Variants in LMO2 observed in about 807,000 individuals in gnomAD.
The protein encoded by LMO2 is rhombotin-2.
In LMO2, 20 loss-of-function variants were observed where a neutral mutation model predicts 23.2. The ratio of observed to expected loss-of-function variants is 0.86; its 90% CI spans 0.61 to 1.25. The LOEUF (loss-of-function observed/expected upper bound fraction) is 1.25, where lower values mean the gene tolerates loss of function less well. Among genes scored for constraint, LMO2 ranks in the 50% most tolerant of loss-of-function variants. The pLI is 0.00. For synonymous variants in LMO2, 123 were observed against 130.2 expected, an observed-to-expected ratio of 0.94 and a Z score of 0.38; for missense variants, 270 against 315.3, an observed-to-expected ratio of 0.86 and a Z score of 1.09.
chr11:33,890,790 C>A (rs1458901245), intron 1 of LMO2, among the ~76,000 whole-genome samples: 1 of 152,162 alleles, frequency 6.6e-6, no homozygotes, highest in Non-Finnish European at 1.5e-5. Context: ...TGATTTATTT[C>A]TATTATTTCT....
At chr11:33,865,735 C>T (rs1417153707) in intron 4 of LMO2, among the ~76,000 whole-genome samples, 4 of 152,220 alleles carry the variant, frequency 2.6e-5, no homozygotes, top group Non-Finnish European at 4.4e-5. Flanking sequence ...CGTGTTCTTT[C>T]GTTAATACGC....
At chr11:33,890,058 C>T (rs1163988694) in intron 1 of LMO2, among the ~76,000 whole-genome samples, 1 of 152,176 alleles carries the variant, frequency 6.6e-6, no homozygotes, top group East Asian at 1.9e-4. Context: ...AGACAAATAT[C>T]ACACTGTTCA....
At chr11:33,879,648 C>A (rs1857217028) in intron 2 of LMO2, among the ~76,000 whole-genome samples, 1 of 152,092 alleles carries the variant, frequency 6.6e-6, no homozygotes, top group South Asian at 2.1e-4. Context: ...CAGAGCAAGA[C>A]AAGCTCTGTC....
intron 1 of LMO2, among the ~76,000 whole-genome samples, chr11:33,888,338 C>A (rs1162127644): frequency 6.6e-6 from 1 of 152,184 alleles, no homozygotes; most frequent in Non-Finnish European, 1.5e-5. Flanking sequence ...TAACCTGCAT[C>A]AGATCATTTC....
At chr11:33,881,759 C>A in intron 2 of LMO2, 65 bp downstream of exon 2, 1 of 226,704 alleles carries the variant, frequency 4.4e-6, no homozygotes, top group South Asian at 5.5e-5. Context: ...TTCTGGCATG[C>A]AGGAAGCATA....
chr11:33,874,355 C>A (rs576247816), intron 2 of LMO2, among the ~76,000 whole-genome samples: 2 of 152,194 alleles, frequency 1.3e-5, no homozygotes. Flanking sequence ...TTGCTAGCTG[C>A]GTGATCTGGG....
intron 2 of LMO2, among the ~76,000 whole-genome samples, chr11:33,872,100 G>A (rs1396750794): frequency 1.3e-5 from 2 of 152,162 alleles, no homozygotes; most frequent in Non-Finnish European, 2.9e-5. Context: ...TGACCAGCCT[G>A]CCCAACATGG....
intron 1 of LMO2, among the ~76,000 whole-genome samples, chr11:33,891,338 G>A (rs1476789993): frequency 2.2e-5 from 3 of 138,314 alleles, no homozygotes; most frequent in African/African-American, 8.6e-5. Flanking sequence ...GCCTAAGGTT[G>A]TTAGGCAAAC....
rs1565034766 is a variant in LMO2, at chr11:33,880,272, A to ATATGATATATAT, written c.-272+1551_-272+1552insATATATATCATA. Among the ~76,000 whole-genome samples the ATATGATATATAT allele has an allele frequency of 2.0e-4, 26 of 133,270 alleles. No individual in the cohort carries two copies. Among genetic ancestry groups the ATATGATATATAT allele is most frequent in the African/African-American group, 8.0e-4 (23 of 28,822 alleles). 87.4% of individuals were successfully genotyped at this position (133,270 alleles called of 152,430 possible). On this transcript the variant is annotated intron_variant, in intron 2 of 5. Transcript: ENST00000257818. This position sits in a 1 kb window ranked among gnomAD's most constrained non-coding sequence, Gnocchi z 4.3. The stretch of plus-strand genomic sequence containing the variant: ...CACATGATATATATATCATACATAC[A>ATATGATATATAT]CATGATATATATCATATATATCATA...
Position 33,869,352 on chromosome 11 carries a change from G to C in LMO2, c.242C>G (p.Pro81Arg), listed in dbSNP as rs1324685022. 5 of 1,208,726 alleles carry C rather than the reference G, an allele frequency of 4.1e-6. No homozygotes were observed. The highest frequency in any genetic ancestry group is 4.1e-6 in the Non-Finnish European group (4 of 964,262). The allele number at this position is 1,208,726 out of a possible 1,614,324, so 74.9% of individuals were successfully genotyped here. Residue 81 changes from proline (P) to arginine (R), a missense_variant, in exon 4 of 6, where the codon CCT (proline) becomes CGT (arginine). Around this residue, in one of 2 missense-constraint regions of LMO2, gnomAD observed 170 missense variants for 162.0 expected, o/e 1.05. Coordinates refer to ENST00000257818, the MANE Select transcript of LMO2 (RefSeq NM_005574.4). ...GCAGGGGGGCCGCACTTACTCTGAAGGGTCCAGGCTCTTCCTTTCGATGGC... is the reference window on the plus strand; with the variant it reads ...GCAGGGGGGCCGCACTTACTCTGAACGGTCCAGGCTCTTCCTTTCGATGGC... The part of the protein sequence containing the change: ...SSAIERKSLD[P>R]SEEPVDEVLQ...
chr11:33,861,241 A>C (rs1193739887), intron 5 of LMO2, among the ~76,000 whole-genome samples: 1 of 152,252 alleles, frequency 6.6e-6, no homozygotes, highest in African/African-American at 2.4e-5. Context: ...TGGTTTCTAC[A>C]TAAAACCTTT....
chr11:33,875,562 G>A (rs1590647414), intron 2 of LMO2, among the ~76,000 whole-genome samples: 1 of 129,082 alleles, frequency 7.7e-6, no homozygotes, highest in East Asian at 2.4e-4. Flanking sequence ...TGGGCGATAA[G>A]AGCAAAACTC....
At chr11:33,878,478 G>A (rs888419012) in intron 2 of LMO2, among the ~76,000 whole-genome samples, 1 of 152,194 alleles carries the variant, frequency 6.6e-6, no homozygotes, top group Non-Finnish European at 1.5e-5. Context: ...GAGCTTCAGT[G>A]CTTTGAATGA....
chr11:33,868,850 G>C (rs1856885173), intron 4 of LMO2, among the ~76,000 whole-genome samples: 1 of 152,202 alleles, frequency 6.6e-6, no homozygotes, highest in Admixed American at 6.5e-5. Flanking sequence ...CCCGTTATCC[G>C]CAAGGCTGGC....
intron 5 of LMO2, among the ~76,000 whole-genome samples, chr11:33,859,955 G>A (rs1856509951): frequency 6.6e-6 from 1 of 152,148 alleles, no homozygotes; most frequent in African/African-American, 2.4e-5. Context: ...CAGAAGAGCA[G>A]CTGGAGAGAG....
chr11:33,869,258 C>A, intron 4 of LMO2, 88 bp downstream of exon 4: 1 of 1,013,522 alleles, frequency 9.9e-7, no homozygotes, highest in Non-Finnish European at 1.2e-6. Flanking sequence ...ACCTGGAGCC[C>A]CCTCGCGGGC....
Position 33,858,884 on chromosome 11 carries a change from G to A in LMO2, c.*472C>T, listed in dbSNP as rs946047715. 9.8e-5 allele frequency: 23 copies of A among 233,522 alleles called. No individual in the cohort carries two copies. The highest frequency in any genetic ancestry group is 4.2e-4 in the African/African-American group (19 of 45,202). The allele number at this position is 233,522 out of a possible 1,614,324, so 14.5% of individuals were successfully genotyped here. A position where few individuals can be genotyped will look rare whatever the true frequency, so the allele number is the denominator to read the frequency against. ...GGAAGGGGGCCAAGAAAAAAAGAAT[G>A]GCCACTCTCCTTTCTGTCCTTCCCT... On this transcript the variant is annotated 3_prime_UTR_variant, in exon 6 of 6. Coordinates refer to ENST00000257818, the MANE Select transcript of LMO2 (RefSeq NM_005574.4).
chr11:33,881,578 A>G (rs1857284954), intron 2 of LMO2: 1 of 360,124 alleles, frequency 2.8e-6, no homozygotes, highest in Admixed American at 3.7e-5. Context: ...AGCCAAATCT[A>G]AAAAATTATT....
chr11:33,888,687 C>G (rs77520104), intron 1 of LMO2, among the ~76,000 whole-genome samples: 1 of 152,322 alleles, frequency 6.6e-6, no homozygotes, highest in African/African-American at 2.4e-5. Context: ...TTCTCCCTAG[C>G]ACATATTGCC....
Sources: allele counts gnomAD v4.1 joint callset (sites outside exome capture counted in the v4.1 genomes callset), GRCh38; gene constraint gnomAD v4.1.1; regional missense constraint gnomAD v4.1.1; non-coding constraint Gnocchi (gnomAD v3.1); transcripts MANE v1.5; gene names NCBI Gene and HGNC (gene_info 2026-07-23, HGNC 2026-07-21).